The following IRS1 variants were observed in gnomAD, a reference collection of about 807,000 sequenced individuals.
IRS1 encodes insulin receptor substrate 1.
In IRS1, 34 loss-of-function variants were observed where a neutral mutation model predicts 65.6. That is an observed-to-expected ratio of 0.52 (90% CI 0.39 to 0.69). IRS1 has a LOEUF of 0.69. Ranked by LOEUF, IRS1 falls within the 30% of genes least tolerant of loss-of-function variation. The pLI is 0.00. For synonymous variants in IRS1, 699 were observed against 683.5 expected (o/e 1.02, Z -0.35); for missense variants, 1,641 against 1,720.2 (o/e 0.95, Z 0.81).
intron 1 of IRS1, among the ~76,000 whole-genome samples, chr2:226,744,253 G>A (rs1938495425): frequency 6.6e-6 from 1 of 152,158 alleles, no homozygotes; most frequent in South Asian, 2.1e-4. Flanking sequence ...CGATAATATG[G>A]GTTGTGGTTC....
intron 1 of IRS1, among the ~76,000 whole-genome samples, chr2:226,790,817 T>C (rs1242578830): frequency 2.0e-5 from 3 of 152,198 alleles, no homozygotes; most frequent in African/African-American, 7.2e-5. Context: ...CATGTAGTAA[T>C]ATATCTCACA....
chr2:226,777,197 T>C (rs1177370142), intron 1 of IRS1, among the ~76,000 whole-genome samples: 1 of 152,194 alleles, frequency 6.6e-6, no homozygotes, highest in East Asian at 1.9e-4. Context: ...TTGTGACAAA[T>C]GTATTATACT....
At chr2:226,736,600 C>T (rs768161910) in intron 1 of IRS1, among the ~76,000 whole-genome samples, 2 of 152,060 alleles carry the variant, frequency 1.3e-5, no homozygotes, top group African/African-American at 2.4e-5. Flanking sequence ...GACCATCCGA[C>T]ATGAGCGGGT....
intron 1 of IRS1, among the ~76,000 whole-genome samples, chr2:226,736,700 G>A (rs539576327): frequency 5.1e-4 from 78 of 152,188 alleles, no homozygotes; most frequent in African/African-American, 1.7e-3. Context: ...TGACAAAATC[G>A]GAAATCAATT....
At position 226,798,836 on chromosome 2, in the gene IRS1, A is replaced by G; in HGVS notation, c.-98T>C. 1.3e-6 allele frequency: 2 copies of G among 1,543,426 alleles called. No homozygotes were observed. Among genetic ancestry groups the G allele is most frequent in the Non-Finnish European group, 1.7e-6 (2 of 1,143,944 alleles). On this transcript the variant is annotated 5_prime_UTR_variant, in exon 1 of 2. Coordinates refer to ENST00000305123, the MANE Select transcript of IRS1 (RefSeq NM_005544.3). This position sits in a 1 kb window ranked among gnomAD's most constrained non-coding sequence, Gnocchi z 9.4. ...TCGCCGCGGCCCGGCACATGCAAAC[A>G]GGGCTGGAGGCAGCAGAAACCCCGA...
intron 1 of IRS1, among the ~76,000 whole-genome samples, chr2:226,766,102 C>A: frequency 9.5e-6 from 1 of 105,756 alleles, no homozygotes; most frequent in African/African-American, 3.7e-5. Context: ...ATGAATTTTC[C>A]CAAGGCCCTC....
At position 226,778,251 on chromosome 2, in the gene IRS1, G is replaced by A. The variant is rs565936331; in HGVS notation, c.*21+16738C>T. On this transcript the variant is annotated intron_variant, in intron 1 of 1. Transcript: ENST00000305123. ...TTATAGCCTCATGATTTTTAAAAAA[G>A]GCTATTTGTCACCACTACTAAAATC... Among the ~76,000 whole-genome samples, 225 of 151,954 alleles carry A rather than the reference G, an allele frequency of 1.5e-3. 1 individual carries two copies. Among genetic ancestry groups the A allele is most frequent in the African/African-American group, 4.7e-3 (193 of 41,466 alleles).
chr2:226,754,930 C>T (rs1938764680), intron 1 of IRS1, among the ~76,000 whole-genome samples: 1 of 152,178 alleles, frequency 6.6e-6, no homozygotes, highest in Admixed American at 6.5e-5. Flanking sequence ...AATGAAATCT[C>T]ATTTCCAGAA....
chr2:226,731,888 C>T lies in IRS1; in HGVS notation c.*4384G>A, dbSNP rs956676333. 2.0e-5 allele frequency: 3 copies of T among 151,910 alleles called. No homozygotes were observed. Among genetic ancestry groups the T allele is most frequent in the Non-Finnish European group, 2.9e-5 (2 of 67,984 alleles). The allele number at this position is 151,910 out of a possible 1,614,324, so 9.4% of individuals were successfully genotyped here. A position where few individuals can be genotyped will look rare whatever the true frequency, so the allele number is the denominator to read the frequency against. On this transcript the variant is annotated 3_prime_UTR_variant, in exon 2 of 2. Coordinates refer to ENST00000305123, the MANE Select transcript of IRS1 (RefSeq NM_005544.3). ...GTCTATGCAAATATGGACAAGTTTTCCTGTTTACTGAATTTGTCCTATCCT... is the reference window on the plus strand; with the variant it reads ...GTCTATGCAAATATGGACAAGTTTTTCTGTTTACTGAATTTGTCCTATCCT...
At chr2:226,747,611 C>A (rs550737855) in intron 1 of IRS1, among the ~76,000 whole-genome samples, 35 of 152,310 alleles carry the variant, frequency 2.3e-4, no homozygotes, top group African/African-American at 8.2e-4. Flanking sequence ...GACAGAGACT[C>A]TGAGGGGACT....
rs141311232 is a variant in IRS1, at chr2:226,734,807, G to A, written c.*1465C>T. On this transcript the variant is annotated 3_prime_UTR_variant, in exon 2 of 2. Coordinates refer to ENST00000305123, the MANE Select transcript of IRS1 (RefSeq NM_005544.3). ...TTTCACGTGGAAAAAATTCCAAGAC[G>A]TGTATACTTTCCAAACAAGAAAAGA... 7 of 152,132 alleles carry A rather than the reference G, an allele frequency of 4.6e-5. No homozygotes were observed. Among genetic ancestry groups the A allele is most frequent in the African/African-American group, 1.4e-4 (6 of 41,440 alleles). 9.4% of individuals were successfully genotyped at this position (152,132 alleles called of 1,614,324 possible).
intron 1 of IRS1, among the ~76,000 whole-genome samples, chr2:226,791,823 C>T (rs1043104078): frequency 4.6e-5 from 7 of 151,964 alleles, no homozygotes; most frequent in African/African-American, 9.7e-5. Context: ...GCCGACCACG[C>T]GGCCCGGGAA....
intron 1 of IRS1, among the ~76,000 whole-genome samples, chr2:226,764,777 A>G (rs1938996237): frequency 6.6e-6 from 1 of 152,314 alleles, no homozygotes; most frequent in East Asian, 1.9e-4. Flanking sequence ...TGCCGTCGTC[A>G]AGGTTTGATT....
At chr2:226,789,293 T>A (rs939176488) in intron 1 of IRS1, among the ~76,000 whole-genome samples, 1 of 152,170 alleles carries the variant, frequency 6.6e-6, no homozygotes, top group Admixed American at 6.5e-5. Flanking sequence ...GAAATCCACA[T>A]GGAGGGACAA....
At chr2:226,742,803 T>C (rs1026495751) in intron 1 of IRS1, among the ~76,000 whole-genome samples, 8 of 151,816 alleles carry the variant, frequency 5.3e-5, no homozygotes, top group African/African-American at 1.7e-4. Flanking sequence ...GTCTCGTGAA[T>C]TTCTCCTTCC....
intron 1 of IRS1, among the ~76,000 whole-genome samples, chr2:226,761,918 T>C (rs1167831112): frequency 6.6e-6 from 1 of 152,178 alleles, no homozygotes; most frequent in Non-Finnish European, 1.5e-5. Flanking sequence ...AATTAAACTG[T>C]TCCATTATTT....
In IRS1 at chr2:226,795,529, G is replaced by A. The variant is rs141372270; in HGVS notation, c.3210C>T (p.Ser1070=). ...GACTGAGGTTCACCCGGGTGAAGGC[G>A]CTCATGCCCCCAGGTCCTTGTGGGC... ...LGGPQGPGGM[S]AFTRVNLSPN... is the part of the protein sequence containing the mutation. The change falls in exon 1 of 2, where the codon AGC becomes AGT. Residue 1070 remains serine, a synonymous_variant. Coordinates refer to ENST00000305123, the MANE Select transcript of IRS1 (RefSeq NM_005544.3). The A allele has an allele frequency of 2.2e-5, 35 of 1,613,174 alleles. No homozygotes were observed. The highest frequency in any genetic ancestry group is 2.6e-5 in the Non-Finnish European group (31 of 1,180,014).
chr2:226,754,878 C>T (rs367816788), intron 1 of IRS1, among the ~76,000 whole-genome samples: 6 of 152,080 alleles, frequency 3.9e-5, no homozygotes, highest in East Asian at 3.9e-4. Flanking sequence ...TATAAAAGCA[C>T]GTTTTTATCT....
At chr2:226,768,984 C>T (rs1177393855) in intron 1 of IRS1, among the ~76,000 whole-genome samples, 3 of 152,184 alleles carry the variant, frequency 2.0e-5, no homozygotes, top group Non-Finnish European at 4.4e-5. Context: ...CAGATGGTGC[C>T]TTCAGTGACC....
Sources: gnomAD v4.1 joint callset for allele counts (sites outside exome capture counted in the v4.1 genomes callset) on GRCh38, gnomAD v4.1.1 for gene constraint, Gnocchi (gnomAD v3.1) non-coding constraint, MANE v1.5 for transcripts, NCBI Gene and HGNC (gene_info 2026-07-23, HGNC 2026-07-21) for gene names.